Variants in RSPO2 observed in about 807,000 individuals in gnomAD.
RSPO2 encodes R-spondin-2.
In RSPO2, 14 loss-of-function variants were observed where a neutral mutation model predicts 30.9. The observed-to-expected ratio is 0.45, with a 90% CI of 0.30 to 0.71. RSPO2 has a LOEUF of 0.71. Among genes scored for constraint, RSPO2 ranks in the 30% least tolerant of loss-of-function variants. The probability of loss-of-function intolerance (pLI) is 0.08; values close to 1 mark genes in which losing one functional copy is unlikely to be tolerated. For missense variants in RSPO2, 264 were observed against 301.9 expected, an observed-to-expected ratio of 0.87 and a Z score of 0.93; for synonymous variants, 107 against 96.4, an observed-to-expected ratio of 1.11 and a Z score of -0.64.
At chr8:107,951,060 T>C (rs567303546) in intron 5 of RSPO2, among the ~76,000 whole-genome samples, 1 of 150,754 alleles carries the variant, frequency 6.6e-6, no homozygotes, top group African/African-American at 2.5e-5. Context: ...TTTGTTGTTG[T>C]TGTTGTTGTT....
At chr8:108,060,849 T>TA (rs1764013071) in intron 2 of RSPO2, among the ~76,000 whole-genome samples, 1 of 151,772 alleles carries the variant, frequency 6.6e-6, no homozygotes, top group African/African-American at 2.4e-5. Context: ...AAAGAACCTC[T>TA]ACAAGCCAGA....
intron 2 of RSPO2, among the ~76,000 whole-genome samples, chr8:108,058,568 G>A (rs1409845833): frequency 6.6e-6 from 1 of 151,952 alleles, no homozygotes; most frequent in Non-Finnish European, 1.5e-5. Flanking sequence ...GAACAAAGCT[G>A]GAGGCATCAC....
intron 2 of RSPO2, among the ~76,000 whole-genome samples, chr8:108,065,581 T>A (rs1047698133): frequency 6.6e-6 from 1 of 150,430 alleles, no homozygotes; most frequent in African/African-American, 2.4e-5. Context: ...TTCAAAGCAA[T>A]GAGCTAAGTT....
At chr8:108,009,071 C>T (rs1051323035) in intron 2 of RSPO2, among the ~76,000 whole-genome samples, 1 of 152,086 alleles carries the variant, frequency 6.6e-6, no homozygotes, top group Non-Finnish European at 1.5e-5. Flanking sequence ...GTCACCCCTA[C>T]ATAAAATTAA....
chr8:108,032,523 C>T (rs1481997486), intron 2 of RSPO2, among the ~76,000 whole-genome samples: 1 of 152,124 alleles, frequency 6.6e-6, no homozygotes, highest in African/African-American at 2.4e-5. Flanking sequence ...ATATTATTTC[C>T]CCTTGTCTAT....
At chr8:108,017,483 T>C (rs1169756380) in intron 2 of RSPO2, among the ~76,000 whole-genome samples, 1 of 152,194 alleles carries the variant, frequency 6.6e-6, no homozygotes, top group Non-Finnish European at 1.5e-5. Context: ...GTAAGCTAAA[T>C]ACTTCTCTTC....
Position 107,997,044 on chromosome 8 carries a change from A to T in RSPO2, c.95-7800T>A. Reference sequence around the variant, plus strand: ...CCAATCTTCAATCATGATGCTGCTCAGTGCTGAAGGACAAGAGCCCATGTG... The same window carrying T: ...CCAATCTTCAATCATGATGCTGCTCTGTGCTGAAGGACAAGAGCCCATGTG... On this transcript the variant is annotated intron_variant, in intron 2 of 5. Coordinates refer to ENST00000276659, the MANE Select transcript of RSPO2 (RefSeq NM_178565.5). 2 of 295,478 alleles carry T rather than the reference A, an allele frequency of 6.8e-6. 1 individual carries two copies. Among genetic ancestry groups the T allele is most frequent in the South Asian group, 5.9e-5 (2 of 33,678 alleles). The allele number at this position is 295,478 out of a possible 1,614,324, so 18.3% of individuals were successfully genotyped here. A position where few individuals can be genotyped will look rare whatever the true frequency, so the allele number is the denominator to read the frequency against.
In RSPO2 at chr8:107,912,814, G is replaced by A. The variant is rs932139322; in HGVS notation, c.617-11624C>T. On this transcript the variant is annotated intron_variant, in intron 5 of 5. Transcript: ENST00000276659. Reference sequence around the variant, plus strand: ...ACCAGTGGTATCAAGATATTTGCTGGATTACAGAAAAAAGGCAAGAAATAT... The same window carrying A: ...ACCAGTGGTATCAAGATATTTGCTGAATTACAGAAAAAAGGCAAGAAATAT... Among the ~76,000 whole-genome samples, 4 of 152,206 alleles carry A rather than the reference G, an allele frequency of 2.6e-5. No individual in the cohort carries two copies. The South Asian group carries it at 8.3e-4, about 32-fold the overall frequency.
chr8:108,014,586 A>G (rs977480254), intron 2 of RSPO2, among the ~76,000 whole-genome samples: 4 of 152,146 alleles, frequency 2.6e-5, no homozygotes, highest in African/African-American at 9.7e-5. Flanking sequence ...CAGCAAATTA[A>G]CACAGGAACA....
chr8:108,072,805 A>G (rs1261554205), intron 2 of RSPO2, among the ~76,000 whole-genome samples: 1 of 152,150 alleles, frequency 6.6e-6, no homozygotes, highest in Non-Finnish European at 1.5e-5. Flanking sequence ...CAAAGGGCCA[A>G]AGTATGAGAG....
chr8:107,992,174 T>TACACACACACACACAC (rs35054419), intron 2 of RSPO2, among the ~76,000 whole-genome samples: 12,545 of 141,772 alleles, frequency 0.088, 654 homozygotes, highest in Middle Eastern at 0.12. Context: ...GAAAATGTGA[T>TACACACACACACACAC]ACACACACAC....
intron 3 of RSPO2, among the ~76,000 whole-genome samples, chr8:107,961,462 T>A (rs2130443000): frequency 6.6e-6 from 1 of 152,294 alleles, no homozygotes; most frequent in South Asian, 2.1e-4. Context: ...ATAAGAAACC[T>A]GGGACTAACA....
At chr8:108,048,113 G>A (rs1384964345) in intron 2 of RSPO2, among the ~76,000 whole-genome samples, 2 of 151,946 alleles carry the variant, frequency 1.3e-5, no homozygotes, top group East Asian at 1.9e-4. Flanking sequence ...GATACTACTC[G>A]CCTTCATTTA....
At chr8:108,016,924 T>C (rs114707283) in intron 2 of RSPO2, among the ~76,000 whole-genome samples, 2,586 of 152,152 alleles carry the variant, frequency 0.017, 69 homozygotes, top group African/African-American at 0.058. Context: ...GCCAGCACCA[T>C]GCTTCCCATA....
At chr8:108,030,828 T>C (rs1362595046) in intron 2 of RSPO2, among the ~76,000 whole-genome samples, 2 of 152,200 alleles carry the variant, frequency 1.3e-5, no homozygotes, top group African/African-American at 4.8e-5. Context: ...CCTTTTCTTA[T>C]ATTTCTGTTA....
chr8:107,996,015 A>T (rs1472247078), intron 2 of RSPO2, among the ~76,000 whole-genome samples: 1 of 152,130 alleles, frequency 6.6e-6, no homozygotes, highest in East Asian at 1.9e-4. Context: ...AAGAGGTTTT[A>T]TTCTGGTATC....
chr8:107,977,929 T>C (rs1814274453), intron 3 of RSPO2, among the ~76,000 whole-genome samples: 7 of 151,790 alleles, frequency 4.6e-5, no homozygotes. Flanking sequence ...AGATACTAGA[T>C]CCTAACTGGC....
In RSPO2 at chr8:107,974,849, C is replaced by CACACACAA. The variant is rs1554578199; in HGVS notation, c.284-14033_284-14032insTTGTGTGT. On this transcript the variant is annotated intron_variant, in intron 3 of 5. Transcript: ENST00000276659. Reference sequence around the variant, plus strand: ...GATTGTGAACACACACATACACATACACACACACACACACACAGGTTAATC... The same window carrying CACACACAA: ...GATTGTGAACACACACATACACATACACACACAAACACACACACACACACAGGTTAATC... Among the ~76,000 whole-genome samples the CACACACAA allele has an allele frequency of 4.7e-5, 7 of 148,906 alleles. No homozygotes were observed. In the East Asian group the frequency reaches 9.7e-4, roughly 21 times the overall value.
At chr8:108,067,529 A>G (rs1161240172) in intron 2 of RSPO2, among the ~76,000 whole-genome samples, 1 of 152,236 alleles carries the variant, frequency 6.6e-6, no homozygotes. Context: ...AGGCATATGT[A>G]GGGATTCATC....
Sources: gnomAD v4.1 joint callset for allele counts (sites outside exome capture counted in the v4.1 genomes callset) on GRCh38, gnomAD v4.1.1 for gene constraint, MANE v1.5 for transcripts, NCBI Gene and HGNC (gene_info 2026-07-23, HGNC 2026-07-21) for gene names.